Variants in ZFHX3 observed in about 807,000 individuals in gnomAD.
The protein encoded by ZFHX3 is zinc finger homeobox 3.
A neutral mutation model predicts 279.1 loss-of-function variants in ZFHX3; 42 were observed. The observed-to-expected ratio is 0.15, with a 90% CI of 0.12 to 0.19. ZFHX3 has a LOEUF of 0.19. Among genes scored for constraint, ZFHX3 ranks in the 10% least tolerant of loss-of-function variants. The pLI, the probability that ZFHX3 is intolerant of heterozygous loss-of-function variation, is 1.00. For missense variants in ZFHX3, 4,981 were observed against 4,754.0 expected (o/e 1.05, Z -1.40); for synonymous variants, 2,293 against 1,957.8 (o/e 1.17, Z -4.52).
chr16:73,883,031 A>AG (rs563498685), intron 1 of ZFHX3, among the ~76,000 whole-genome samples: 2,946 of 101,620 alleles, frequency 0.029, 108 homozygotes, highest in African/African-American at 0.089. Context: ...CAAGCTTTTT[A>AG]AAAAAAAAAA....
chr16:73,623,532 A>T (rs1459374118), intron 2 of ZFHX3, among the ~76,000 whole-genome samples: 1 of 152,218 alleles, frequency 6.6e-6, no homozygotes, highest in Admixed American at 6.5e-5. Context: ...AATTCCAGAA[A>T]AATACATTGG....
chr16:73,580,366 T>C (rs2051847223), intron 2 of ZFHX3, among the ~76,000 whole-genome samples: 1 of 151,946 alleles, frequency 6.6e-6, no homozygotes, highest in Non-Finnish European at 1.5e-5. Flanking sequence ...TAGTCCCAAC[T>C]GCTCGGGAGG....
At chr16:73,597,752 C>T (rs2052066337) in intron 2 of ZFHX3, among the ~76,000 whole-genome samples, 1 of 152,016 alleles carries the variant, frequency 6.6e-6, no homozygotes, top group African/African-American at 2.4e-5. Flanking sequence ...TCTGCCAACA[C>T]CTTGATTTCA....
At chr16:72,801,456 A>G (rs2036096097) in intron 7 of ZFHX3, among the ~76,000 whole-genome samples, 1 of 152,214 alleles carries the variant, frequency 6.6e-6, no homozygotes, top group Admixed American at 6.5e-5. Flanking sequence ...ATCATCAGCA[A>G]TAAGCTTGAC....
intron 1 of ZFHX3, among the ~76,000 whole-genome samples, chr16:73,883,472 A>C (rs942977308): frequency 6.6e-5 from 10 of 151,804 alleles, no homozygotes; most frequent in Admixed American, 2.6e-4. Flanking sequence ...TATACATACA[A>C]TCACACACAC....
Position 72,882,541 on chromosome 16 carries a change from C to G in ZFHX3, c.3448+7190G>C, listed in dbSNP as rs79205381. On this transcript the variant is annotated intron_variant, in intron 4 of 9. Coordinates refer to ENST00000268489, the MANE Select transcript of ZFHX3 (RefSeq NM_006885.4). ...TGCTGAAAAGGTGCAAGTCCTGGAA[C>G]AGCCAGCCAGGACACAGGAGGCTGG... Among the ~76,000 whole-genome samples the G allele has an allele frequency of 1.7e-3, 261 of 152,318 alleles. 2 individuals are homozygous for G. Among genetic ancestry groups the G allele is most frequent in the African/African-American group, 5.3e-3 (222 of 41,578 alleles).
intron 1 of ZFHX3, among the ~76,000 whole-genome samples, chr16:73,779,729 C>CT (rs1028931874): frequency 1.3e-5 from 2 of 151,938 alleles, no homozygotes; most frequent in African/African-American, 2.4e-5. Flanking sequence ...CAAGCCTTTC[C>CT]TTTTTTTGAG....
chr16:73,643,683 G>C (rs1488293325), intron 2 of ZFHX3, among the ~76,000 whole-genome samples: 1 of 152,146 alleles, frequency 6.6e-6, no homozygotes, highest in African/African-American at 2.4e-5. Flanking sequence ...ATCAAGTCCA[G>C]GCTAAAGTTG....
In ZFHX3 at chr16:73,840,167, T is replaced by A. The variant is rs138316314; in HGVS notation, c.-1608+51484A>T. Among the ~76,000 whole-genome samples the A allele has an allele frequency of 3.9e-5, 6 of 152,002 alleles. No individual in the cohort carries two copies. In the East Asian group the frequency reaches 1.2e-3, roughly 29 times the overall value. On this transcript the variant is annotated intron_variant, in intron 1 of 17. Coordinates refer to the ZFHX3 transcript ENST00000641206. ...GTAATGTATGACCCTAATGCTAAAGTGAGGATGCTGGGCTCTGAGGGGTGA... is the reference window on the plus strand; with the variant it reads ...GTAATGTATGACCCTAATGCTAAAGAGAGGATGCTGGGCTCTGAGGGGTGA...
chr16:73,360,198 T>A (rs551648586), intron 3 of ZFHX3, among the ~76,000 whole-genome samples: 110 of 152,322 alleles, frequency 7.2e-4, no homozygotes, highest in Non-Finnish European at 7.8e-4. Context: ...AAGATACACG[T>A]GACAATAATA....
At chr16:73,736,494 T>A (rs968451977) in intron 1 of ZFHX3, among the ~76,000 whole-genome samples, 3 of 152,220 alleles carry the variant, frequency 2.0e-5, no homozygotes, top group Non-Finnish European at 4.4e-5. Flanking sequence ...AAACACTGAA[T>A]TTCATAGCCA....
intron 1 of ZFHX3, among the ~76,000 whole-genome samples, chr16:73,871,362 G>T (rs1962158488): frequency 6.6e-6 from 1 of 152,096 alleles, no homozygotes; most frequent in South Asian, 2.1e-4. Context: ...CTTTAATAAC[G>T]CAGCCTTGCT....
chr16:73,602,178 G>T (rs1194964357), intron 2 of ZFHX3, among the ~76,000 whole-genome samples: 2 of 152,188 alleles, frequency 1.3e-5, no homozygotes, highest in Admixed American at 6.5e-5. Flanking sequence ...GAAAAAACAT[G>T]TTCTGAAGCA....
intron 2 of ZFHX3, among the ~76,000 whole-genome samples, chr16:73,624,542 A>C (rs2052397621): frequency 6.6e-6 from 1 of 152,092 alleles, no homozygotes. Context: ...AACATTATGA[A>C]TTAATATCAA....
At chr16:73,151,756 G>A (rs1478541902) in intron 5 of ZFHX3, among the ~76,000 whole-genome samples, 1 of 152,038 alleles carries the variant, frequency 6.6e-6, no homozygotes, top group African/African-American at 2.4e-5. Flanking sequence ...CAATCTCCAT[G>A]GGTTCCTTGA....
intron 2 of ZFHX3, among the ~76,000 whole-genome samples, chr16:72,952,435 A>G (rs78549507): frequency 0.026 from 4,009 of 152,094 alleles, 99 homozygotes; most frequent in African/African-American, 0.055. Flanking sequence ...CCTTCCCTTT[A>G]TCACTCAGTC....
intron 5 of ZFHX3, among the ~76,000 whole-genome samples, chr16:73,214,011 T>C (rs1354521908): frequency 1.3e-5 from 2 of 152,228 alleles, no homozygotes; most frequent in African/African-American, 4.8e-5. Context: ...ATTACATGTT[T>C]GATACACCTC....
intron 2 of ZFHX3, among the ~76,000 whole-genome samples, chr16:73,616,909 C>T (rs2052309403): frequency 6.6e-6 from 1 of 152,124 alleles, no homozygotes; most frequent in South Asian, 2.1e-4. Context: ...TCCCTTCTTC[C>T]ACATGCGATT....
chr16:73,559,330 G>A (rs367795050), intron 2 of ZFHX3, among the ~76,000 whole-genome samples: 10 of 152,194 alleles, frequency 6.6e-5, no homozygotes, highest in African/African-American at 2.4e-4. Flanking sequence ...TTACGATCAT[G>A]AGCCACCACA....
Sources: gnomAD v4.1 joint callset for allele counts (sites outside exome capture counted in the v4.1 genomes callset) on GRCh38, gnomAD v4.1.1 for gene constraint, MANE v1.5 for transcripts, NCBI Gene and HGNC (gene_info 2026-07-23, HGNC 2026-07-21) for gene names.